Variants in TMX3 observed in about 807,000 individuals in gnomAD.
TMX3 encodes thioredoxin related transmembrane protein 3.
In TMX3, 40 loss-of-function variants were observed where a neutral mutation model predicts 64.4. The observed-to-expected ratio is 0.62, with a 90% CI of 0.48 to 0.81. TMX3 has a LOEUF of 0.81. Among genes scored for constraint, TMX3 ranks in the 30% least tolerant of loss-of-function variants. The pLI, the probability that TMX3 is intolerant of heterozygous loss-of-function variation, is 0.00. For synonymous variants in TMX3, 189 were observed against 175.7 expected (o/e 1.08, Z -0.60); for missense variants, 497 against 534.5 (o/e 0.93, Z 0.69).
intron 13 of TMX3, 52 bp from the exon 14 acceptor site, chr18:68,681,162 T>A (rs1308548460): frequency 7.2e-7 from 1 of 1,380,918 alleles, no homozygotes; most frequent in East Asian, 2.6e-5. Context: ...CAATAGCAAG[T>A]ATTCTGATAT....
chr18:68,684,083 T>A, intron 12 of TMX3, 107 bp downstream of exon 12: 1 of 824,298 alleles, frequency 1.2e-6, no homozygotes, highest in Non-Finnish European at 2.0e-6. Context: ...TTAACTTCAT[T>A]TCTTTGATTC....
chr18:68,706,599 T>C (rs2030695287), intron 4 of TMX3, among the ~76,000 whole-genome samples: 1 of 152,172 alleles, frequency 6.6e-6, no homozygotes, highest in African/African-American at 2.4e-5. Flanking sequence ...GATTACATGC[T>C]GAGGAACAGT....
intron 4 of TMX3, among the ~76,000 whole-genome samples, chr18:68,708,846 C>T (rs900639035): frequency 2.6e-5 from 4 of 152,084 alleles, no homozygotes; most frequent in African/African-American, 7.2e-5. Context: ...AAGATATTAA[C>T]ATGATTTCCA....
chr18:68,706,172 T>A (rs1225227662), intron 4 of TMX3: 4 of 152,374 alleles, frequency 2.6e-5, no homozygotes, highest in African/African-American at 9.7e-5. Flanking sequence ...GCAGATCACC[T>A]GAGGAGGACG....
chr18:68,702,258 T>C (rs2145104545), intron 4 of TMX3, among the ~76,000 whole-genome samples: 1 of 150,650 alleles, frequency 6.6e-6, no homozygotes, highest in Non-Finnish European at 1.5e-5. Context: ...TGTATTCTAA[T>C]TTTAAAAGCA....
intron 3 of TMX3, among the ~76,000 whole-genome samples, chr18:68,710,775 A>T (rs2031197019): frequency 6.6e-6 from 1 of 152,206 alleles, no homozygotes; most frequent in Non-Finnish European, 1.5e-5. Context: ...TTTTAACTTT[A>T]TACTATGAAA....
At chr18:68,678,538 C>A (rs115853841) in intron 15 of TMX3, among the ~76,000 whole-genome samples, 1 of 151,638 alleles carries the variant, frequency 6.6e-6, no homozygotes. Flanking sequence ...CACAGCAGCA[C>A]GGAAAGGAGA....
intron 5 of TMX3, chr18:68,701,164 AC>A: frequency 3.6e-6 from 1 of 276,196 alleles, no homozygotes; most frequent in Non-Finnish European, 5.5e-6. Flanking sequence ...TCGACACAAA[AC>A]CCAATATATA....
intron 15 of TMX3, 151 bp from the exon 16 acceptor site, chr18:68,677,344 T>C (rs1417594554): frequency 7.6e-6 from 6 of 788,284 alleles, no homozygotes; most frequent in African/African-American, 5.2e-5. Flanking sequence ...GTAACTACCA[T>C]GTGAAAGACA....
At chr18:68,679,636 T>G in intron 14 of TMX3, 105 bp from the exon 15 acceptor site, 1 of 879,546 alleles carries the variant, frequency 1.1e-6, no homozygotes, top group Non-Finnish European at 1.7e-6. Context: ...CTCCAAAATA[T>G]TACATAATCA....
intron 8 of TMX3, among the ~76,000 whole-genome samples, chr18:68,691,566 T>C (rs1231824504): frequency 6.6e-6 from 1 of 152,196 alleles, no homozygotes; most frequent in African/African-American, 2.4e-5. Flanking sequence ...CCTTGTACAA[T>C]GTCCTGTTTG....
intron 4 of TMX3, among the ~76,000 whole-genome samples, chr18:68,705,617 G>C (rs774944747): frequency 9.2e-5 from 14 of 152,038 alleles, no homozygotes; most frequent in Admixed American, 2.0e-4. Context: ...TGCCACTACA[G>C]GTAATATTAT....
At chr18:68,704,122 C>T (rs528652822) in intron 4 of TMX3, among the ~76,000 whole-genome samples, 16 of 151,898 alleles carry the variant, frequency 1.1e-4, no homozygotes, top group South Asian at 6.2e-4. Context: ...GATTTTAAAA[C>T]GAAAAAATAG....
chr18:68,674,349 CTT>C lies in TMX3; in HGVS notation c.*2582_*2583del, dbSNP rs1328431173. 2.0e-5 allele frequency: 3 copies of C among 152,098 alleles called. No individual in the cohort carries two copies. The highest frequency in any genetic ancestry group is 6.5e-5 in the Admixed American group (1 of 15,276). The allele number at this position is 152,098 out of a possible 1,614,324, so 9.4% of individuals were successfully genotyped here. A position where few individuals can be genotyped will look rare whatever the true frequency, so the allele number is the denominator to read the frequency against. ...ACAGGGTACTCGATAAAAACATGCA[CTT>C]TGTCTCGCTGAAATGTCCTTAAATA... On this transcript the variant is annotated 3_prime_UTR_variant, in exon 16 of 16. Transcript: ENST00000299608.
chr18:68,689,393 GT>G (rs537861563), intron 9 of TMX3, among the ~76,000 whole-genome samples: 256 of 142,432 alleles, frequency 1.8e-3, no homozygotes, highest in Middle Eastern at 7.2e-3. Context: ...TATGATCAGT[GT>G]TTTTTTTTTT....
At chr18:68,707,542 C>T (rs1330638359) in intron 4 of TMX3, among the ~76,000 whole-genome samples, 1 of 152,092 alleles carries the variant, frequency 6.6e-6, no homozygotes, top group Non-Finnish European at 1.5e-5. Flanking sequence ...TGTTAATTAT[C>T]AATGAAGTAT....
At chr18:68,698,884 T>TGGTAGCCGGCGC (rs1555688723) in intron 6 of TMX3, among the ~76,000 whole-genome samples, 6 of 149,568 alleles carry the variant, frequency 4.0e-5, no homozygotes, top group South Asian at 2.1e-4. Context: ...TAGCCGGGCG[T>TGGTAGCCGGCGC]GGTAGCGGGC....
intron 1 of TMX3, chr18:68,714,230 C>T (rs1465937813): frequency 5.8e-6 from 1 of 171,516 alleles, no homozygotes; most frequent in Non-Finnish European, 1.2e-5. Flanking sequence ...AGACAGCATT[C>T]TTCTTTATTT....
At chr18:68,699,004 AG>A (rs1915404844) in intron 6 of TMX3, among the ~76,000 whole-genome samples, 1 of 151,640 alleles carries the variant, frequency 6.6e-6, no homozygotes. Flanking sequence ...CCTGGGCGAA[AG>A]AGCGAGACTC....
Sources: gnomAD v4.1 joint callset for allele counts (sites outside exome capture counted in the v4.1 genomes callset) on GRCh38, gnomAD v4.1.1 for gene constraint, MANE v1.5 for transcripts, NCBI Gene and HGNC (gene_info 2026-07-23, HGNC 2026-07-21) for gene names.